TPP2: variants seen among roughly 807,000 people sequenced by gnomAD.
TPP2 encodes the protein tripeptidyl peptidase 2.
A neutral mutation model predicts 155.9 loss-of-function variants in TPP2; 34 were observed. That is an observed-to-expected ratio of 0.22 (90% confidence interval 0.17 to 0.29). TPP2 has a LOEUF of 0.29. TPP2 is among the 10% of genes least tolerant of loss of function. The probability of loss-of-function intolerance (pLI) is 1.00; values close to 1 mark genes in which losing one functional copy is unlikely to be tolerated. For missense variants in TPP2, 1,028 were observed against 1,522.3 expected, an observed-to-expected ratio of 0.68 and a Z score of 5.40; for synonymous variants, 510 against 529.4, an observed-to-expected ratio of 0.96 and a Z score of 0.50.
chr13:102,645,085 C>T (rs866383869), intron 19 of TPP2, 76 bp downstream of exon 19: 20 of 1,063,066 alleles, frequency 1.9e-5, no homozygotes, highest in Middle Eastern at 2.1e-4. Context: ...AAAAAAGGGC[C>T]TTTTTTTTTT....
rs552655858 is a variant in TPP2, at chr13:102,643,364, T to G, written c.2163T>G (p.Ala721=). ...CAGAGAAAGGAACACTGACTGAAGC[T>G]TTTCCTGTCCTAGTAAGTTTAATTA... is the stretch of plus-strand genomic sequence containing the variant. The part of the protein sequence containing the change: ...SLPEKGTLTE[A]FPVLGGKAIE... Residue 721 remains alanine (A), a synonymous_variant, in exon 17 of 30, where the codon GCT becomes GCG. Coordinates refer to ENST00000376052, the MANE Select transcript of TPP2 (RefSeq NM_001330588.2). 7.5e-6 allele frequency: 12 copies of G among 1,601,114 alleles called. No individual in the cohort carries two copies. The highest frequency in any genetic ancestry group is 1.8e-5 in the Admixed American group (1 of 56,368).
chr13:102,649,511 G>T, intron 23 of TPP2, 25 bp downstream of exon 23: 2 of 1,566,110 alleles, frequency 1.3e-6, no homozygotes, highest in South Asian at 2.3e-5. Flanking sequence ...TTTAAACACT[G>T]AAATTACCTA....
intron 1 of TPP2, among the ~76,000 whole-genome samples, chr13:102,602,507 G>A (rs899406593): frequency 2.0e-5 from 3 of 152,002 alleles, no homozygotes; most frequent in African/African-American, 7.3e-5. Flanking sequence ...GCTGTGCCTG[G>A]GAGGCCTTTA....
chr13:102,606,684 A>G (rs1487020862), intron 2 of TPP2, among the ~76,000 whole-genome samples: 4 of 151,946 alleles, frequency 2.6e-5, no homozygotes, highest in Non-Finnish European at 5.9e-5. Flanking sequence ...AAATCCCTAC[A>G]CCTTCTTTAC....
At chr13:102,641,564 C>T (rs1311250996) in intron 16 of TPP2, among the ~76,000 whole-genome samples, 1 of 152,038 alleles carries the variant, frequency 6.6e-6, no homozygotes, top group Non-Finnish European at 1.5e-5. Flanking sequence ...ACATGTATGA[C>T]TTGGTTTGGG....
Position 102,636,307 on chromosome 13 carries a change from T to C in TPP2, c.1593T>C (p.Arg531=). ...TTACTGTTACTGTTGGAAATAACCGTGGCATCTACCTCCGAGATCCTGTTC... is the reference window on the plus strand; with the variant it reads ...TTACTGTTACTGTTGGAAATAACCGCGGCATCTACCTCCGAGATCCTGTTC... ...LGFTVTVGNN[R]GIYLRDPVQV... is the part of the protein sequence containing the mutation. Residue 531 remains arginine (R), a synonymous_variant, in exon 13 of 30, where the codon CGT becomes CGC. Coordinates refer to ENST00000376052, the MANE Select transcript of TPP2 (RefSeq NM_001330588.2). 3 of 1,613,986 alleles carry C rather than the reference T, an allele frequency of 1.9e-6. No homozygotes were observed. The highest frequency in any genetic ancestry group is 1.7e-6 in the Non-Finnish European group (2 of 1,179,924).
intron 1 of TPP2, among the ~76,000 whole-genome samples, chr13:102,600,119 C>T (rs1303397480): frequency 6.6e-6 from 1 of 152,068 alleles, no homozygotes; most frequent in Non-Finnish European, 1.5e-5. Flanking sequence ...CCAACTCTGG[C>T]CTCCTTATGT....
Position 102,624,272 on chromosome 13 carries a change from C to T in TPP2, c.784+1232C>T, listed in dbSNP as rs150623995. On this transcript the variant is annotated intron_variant, in intron 6 of 29. Transcript: ENST00000376052. ...GTGGCTACTTCTGGGGGAAGTTCTC[C>T]CTCCCAGGGTAGGGGGAAAAAGGAG... 1.0e-3 allele frequency among the ~76,000 whole-genome samples: 156 copies of T among 152,244 alleles called. 1 individual carries two copies. The highest frequency in any genetic ancestry group is 3.4e-3 in the African/African-American group (143 of 41,534).
At chr13:102,646,451 CA>C in intron 20 of TPP2, 61 bp downstream of exon 20, 8 of 1,336,850 alleles carry the variant, frequency 6.0e-6, no homozygotes, top group Non-Finnish European at 8.3e-6. Flanking sequence ...ATTTATGATT[CA>C]TAGAATCAAA....
intron 6 of TPP2, 82 bp from the exon 7 acceptor site, chr13:102,626,930 T>C: frequency 7.4e-7 from 1 of 1,346,638 alleles, no homozygotes; most frequent in South Asian, 1.9e-5. Context: ...CTTTTTATCA[T>C]GATTAATAAT....
chr13:102,619,214 G>A (rs1315050215), intron 5 of TPP2, among the ~76,000 whole-genome samples: 2 of 152,082 alleles, frequency 1.3e-5, no homozygotes, highest in Non-Finnish European at 2.9e-5. Context: ...ATCAATGTAC[G>A]CTGTTGCTGC....
chr13:102,627,236 G>T, intron 7 of TPP2, 70 bp downstream of exon 7: 1 of 1,435,228 alleles, frequency 7.0e-7, no homozygotes. Flanking sequence ...AGGTTTATAA[G>T]TGCTCCTAGT....
rs999715589 is a variant in TPP2 at position 102,658,051 on chromosome 13, T to C, written c.3143+844T>C. 2.0e-5 allele frequency among the ~76,000 whole-genome samples: 3 copies of C among 152,330 alleles called. No homozygotes were observed. The East Asian group carries it at 5.8e-4, about 29-fold the overall frequency. On this transcript the variant is annotated intron_variant, in intron 25 of 29. Coordinates refer to ENST00000376052, the MANE Select transcript of TPP2 (RefSeq NM_001330588.2). ...TAGGTGTTTCTGGTCGATTAAAACTTTTTACATAAAAGATATTAATGCTTT... is the reference window on the plus strand; with the variant it reads ...TAGGTGTTTCTGGTCGATTAAAACTCTTTACATAAAAGATATTAATGCTTT...
At position 102,664,908 on chromosome 13, in the gene TPP2, T is replaced by C; in HGVS notation, c.3354T>C (p.Asp1118=). 1 of 1,612,710 alleles carries C rather than the reference T, an allele frequency of 6.2e-7. No individual in the cohort carries two copies. Among genetic ancestry groups the C allele is most frequent in the Non-Finnish European group, 8.5e-7 (1 of 1,179,576 alleles). Residue 1118 remains aspartate, a synonymous_variant, in exon 27 of 30, where the codon GAT becomes GAC. Coordinates refer to ENST00000376052, the MANE Select transcript of TPP2 (RefSeq NM_001330588.2). The part of the protein sequence containing the change: ...YIAMKTDPRP[D]AATIKNDMDK... ...CAATGAAGACTGATCCCAGGCCTGATGCAGCTACTATAAAAAAGTACCTAA... is the reference window on the plus strand; with the variant it reads ...CAATGAAGACTGATCCCAGGCCTGACGCAGCTACTATAAAAAAGTACCTAA...
intron 10 of TPP2, among the ~76,000 whole-genome samples, chr13:102,632,954 C>G (rs1882117030): frequency 6.6e-6 from 1 of 152,142 alleles, no homozygotes; most frequent in Non-Finnish European, 1.5e-5. Context: ...GAGGTGCTGT[C>G]AGCCCATTTC....
chr13:102,614,453 T>C (rs1490781653), intron 3 of TPP2, among the ~76,000 whole-genome samples: 1 of 152,126 alleles, frequency 6.6e-6, no homozygotes, highest in African/African-American at 2.4e-5. Flanking sequence ...ATATTCAGAT[T>C]TTTGTGTTTT....
intron 6 of TPP2, among the ~76,000 whole-genome samples, chr13:102,626,108 A>G (rs1881602833): frequency 6.6e-6 from 1 of 152,142 alleles, no homozygotes; most frequent in South Asian, 2.1e-4. Context: ...GCCCCTTCCT[A>G]ATCAGTAATG....
At chr13:102,672,832 A>G (rs1198773219) in intron 27 of TPP2, among the ~76,000 whole-genome samples, 2 of 152,210 alleles carry the variant, frequency 1.3e-5, no homozygotes, top group African/African-American at 4.8e-5. Context: ...TTTCTTCTTA[A>G]TTCCAGTGTA....
chr13:102,664,689 A>C, intron 26 of TPP2, 106 bp from the exon 27 acceptor site: 2 of 1,132,236 alleles, frequency 1.8e-6, no homozygotes, highest in Non-Finnish European at 2.4e-6. Context: ...TACATAGTTT[A>C]CTCACACTGC....
Sources: gnomAD v4.1 joint callset for allele counts (sites outside exome capture counted in the v4.1 genomes callset) on GRCh38, gnomAD v4.1.1 for gene constraint, MANE v1.5 for transcripts, NCBI Gene and HGNC (gene_info 2026-07-23, HGNC 2026-07-21) for gene names.